The following ADAMTS18 variants were observed in gnomAD, a reference collection of about 807,000 sequenced individuals.
ADAMTS18 encodes the protein A disintegrin and metalloproteinase with thrombospondin motifs 18.
A neutral mutation model predicts 165.9 loss-of-function variants in ADAMTS18; 157 were observed. The ratio of observed to expected loss-of-function variants is 0.95; its 90% confidence interval spans 0.83 to 1.08. ADAMTS18 has a LOEUF of 1.08. Ranked by LOEUF, ADAMTS18 falls within the 50% of genes least tolerant of loss-of-function variation. The pLI is 0.00. For synonymous variants in ADAMTS18, 782 were observed against 578.2 expected (o/e 1.35, Z -5.06); for missense variants, 2,040 against 1,534.0 (o/e 1.33, Z -5.51).
At chr16:77,366,552 G>A (rs1395758213) in intron 4 of ADAMTS18, among the ~76,000 whole-genome samples, 1 of 152,116 alleles carries the variant, frequency 6.6e-6, no homozygotes, top group African/African-American at 2.4e-5. Context: ...GAGTGAAACT[G>A]TCTCAAACAA....
At chr16:77,285,354 G>C (rs1400053943) in intron 22 of ADAMTS18, among the ~76,000 whole-genome samples, 1 of 151,790 alleles carries the variant, frequency 6.6e-6, no homozygotes, top group Non-Finnish European at 1.5e-5. Context: ...TGTATTTTTA[G>C]TAGAGATGGG....
chr16:77,290,209 A>G (rs2055336018), intron 21 of ADAMTS18, among the ~76,000 whole-genome samples: 1 of 152,118 alleles, frequency 6.6e-6, no homozygotes, highest in Non-Finnish European at 1.5e-5. Context: ...AAAGGGGAAG[A>G]TAGATAGTAA....
chr16:77,369,718 G>C (rs183048787), intron 3 of ADAMTS18, among the ~76,000 whole-genome samples: 4 of 152,266 alleles, frequency 2.6e-5, no homozygotes, highest in Admixed American at 2.6e-4. Context: ...AAATTGAAGA[G>C]GGGGTAGTTT....
rs2144731902 is a variant in ADAMTS18, at chr16:77,362,087, G to T, written c.1216+18C>A. Reference sequence around the variant, plus strand: ...TTTCAGCTAACAGGTGTGTGTGAAGGATCTGTTCATACCATACCTAGAGTG... The same window carrying T: ...TTTCAGCTAACAGGTGTGTGTGAAGTATCTGTTCATACCATACCTAGAGTG... On this transcript the variant is annotated intron_variant, in intron 7 of 22. Coordinates refer to ENST00000282849, the MANE Select transcript of ADAMTS18 (RefSeq NM_199355.4). The T allele has an allele frequency of 6.2e-7, 1 of 1,613,666 alleles. No individual in the cohort carries two copies. Among genetic ancestry groups the T allele is most frequent in the Non-Finnish European group, 8.5e-7 (1 of 1,179,828 alleles).
intron 10 of ADAMTS18, among the ~76,000 whole-genome samples, chr16:77,349,484 T>C (rs1236081846): frequency 2.8e-5 from 4 of 142,522 alleles, no homozygotes; most frequent in Non-Finnish European, 6.0e-5. Context: ...GCAGTTTCAC[T>C]GCATTTTTCC....
chr16:77,313,544 G>C (rs578032645), intron 16 of ADAMTS18, among the ~76,000 whole-genome samples: 2 of 151,672 alleles, frequency 1.3e-5, no homozygotes, highest in Middle Eastern at 3.4e-3. Flanking sequence ...GAATGGTTCT[G>C]TGTTTATGAC....
At chr16:77,346,745 A>T (rs1309331735) in intron 10 of ADAMTS18, among the ~76,000 whole-genome samples, 1 of 152,218 alleles carries the variant, frequency 6.6e-6, no homozygotes, top group Admixed American at 6.5e-5. Context: ...AATAATTTAA[A>T]AGTAACAAAT....
chr16:77,387,843 T>G (rs1397129967), intron 3 of ADAMTS18, among the ~76,000 whole-genome samples: 1 of 152,230 alleles, frequency 6.6e-6, no homozygotes, highest in African/African-American at 2.4e-5. Flanking sequence ...GAGTTTATTT[T>G]TTAACTGATG....
chr16:77,359,074 GC>G (rs1408818876), intron 8 of ADAMTS18, among the ~76,000 whole-genome samples: 1 of 152,152 alleles, frequency 6.6e-6, no homozygotes, highest in African/African-American at 2.4e-5. Context: ...ATGCCTAGCA[GC>G]CCAGAGACCC....
In ADAMTS18 at chr16:77,434,629, C is replaced by T. The variant is rs1345285326; in HGVS notation, c.67G>A (p.Ala23Thr). The T allele has an allele frequency of 6.7e-7, 1 of 1,491,510 alleles. No individual in the cohort carries two copies. Among genetic ancestry groups the T allele is most frequent in the Non-Finnish European group, 8.9e-7 (1 of 1,128,036 alleles). 92.4% of individuals were successfully genotyped at this position (1,491,510 alleles called of 1,614,324 possible). ...AAGSGPPRGL[A>T]GLGRVAKALQ... ...GCCTTGGCCACGCGCCCCAGTCCCG[C>T]CAGGCCCCTCGGCGGGCCCGAACCC... The change falls in exon 1 of 23, where the codon GCG becomes ACG. Residue 23 changes from alanine to threonine, a missense_variant. By Grantham distance (58) the Ala-to-Thr change is moderately conservative. Transcript: ENST00000282849.
rs553312526 is a variant in ADAMTS18, at chr16:77,376,976, G to C, written c.496-9253C>G. Among the ~76,000 whole-genome samples, 9 of 151,944 alleles carry C rather than the reference G, an allele frequency of 5.9e-5. No homozygotes were observed. The East Asian group carries it at 1.6e-3, about 26-fold the overall frequency. ...CTTACAAGCGCCCACCACCACTCTC[G>C]GCTAGGTTTTGTATTTTTAGTAGAG... On this transcript the variant is annotated intron_variant, in intron 3 of 22. Coordinates refer to ENST00000282849, the MANE Select transcript of ADAMTS18 (RefSeq NM_199355.4).
At chr16:77,372,771 C>T (rs1249530699) in intron 3 of ADAMTS18, among the ~76,000 whole-genome samples, 1 of 152,152 alleles carries the variant, frequency 6.6e-6, no homozygotes, top group Non-Finnish European at 1.5e-5. Flanking sequence ...TAGCACACAT[C>T]ATGCTGGTAG....
intron 4 of ADAMTS18, among the ~76,000 whole-genome samples, chr16:77,365,448 T>C (rs970403980): frequency 2.6e-5 from 4 of 152,220 alleles, no homozygotes; most frequent in African/African-American, 9.6e-5. Context: ...ACATAGCACA[T>C]AAGAAGCACT....
At chr16:77,388,126 G>C (rs2057135020) in intron 3 of ADAMTS18, among the ~76,000 whole-genome samples, 1 of 152,174 alleles carries the variant, frequency 6.6e-6, no homozygotes, top group African/African-American at 2.4e-5. Context: ...TTGAGATGCA[G>C]TCTCACTCTG....
At chr16:77,336,289 G>T (rs533395374) in intron 11 of ADAMTS18, among the ~76,000 whole-genome samples, 2 of 151,954 alleles carry the variant, frequency 1.3e-5, no homozygotes, top group Non-Finnish European at 2.9e-5. Flanking sequence ...CACTCATTCA[G>T]GAAGAAACAG....
intron 6 of ADAMTS18, 89 bp downstream of exon 6, chr16:77,363,713 G>C: frequency 8.2e-7 from 1 of 1,217,922 alleles, no homozygotes; most frequent in Non-Finnish European, 1.2e-6. Flanking sequence ...CTAACGACTA[G>C]TACATGGATT....
rs147893241 is a variant in ADAMTS18 at position 77,391,582 on chromosome 16, T to C, written c.496-23859A>G. Among the ~76,000 whole-genome samples, 359 of 151,544 alleles carry C rather than the reference T, an allele frequency of 2.4e-3. 1 individual carries two copies. Among genetic ancestry groups the C allele is most frequent in the African/African-American group, 8.0e-3 (331 of 41,300 alleles). On this transcript the variant is annotated intron_variant, in intron 3 of 22. Transcript: ENST00000282849. ...AATTGTTTGAGTATTCCTAACAGAG[T>C]ACCAATGGCCAGGAAGAGGGGGAAG... is the stretch of plus-strand genomic sequence containing the variant.
At position 77,295,114 on chromosome 16, in the gene ADAMTS18, C is replaced by G; in HGVS notation, c.2815G>C (p.Glu939Gln). The G allele has an allele frequency of 6.2e-7, 1 of 1,614,204 alleles. No individual in the cohort carries two copies. The highest frequency in any genetic ancestry group is 1.1e-5 in the South Asian group (1 of 91,090). The change falls in exon 19 of 23, where the codon GAA (glutamate) becomes CAA (glutamine). Residue 939 changes from glutamate to glutamine, a missense_variant. Glu to Gln is a conservative substitution (Grantham distance 29). Coordinates refer to ENST00000282849, the MANE Select transcript of ADAMTS18 (RefSeq NM_199355.4). ...FSCPAYWMPG[E>Q]WSTCSKACAG... is the part of the protein sequence containing the mutation. The stretch of plus-strand genomic sequence containing the variant: ...CAGGCCTTGCTGCATGTACTCCATT[C>G]ACCTGGCATCCAGCTTTCAGTGCAA...
intron 16 of ADAMTS18, among the ~76,000 whole-genome samples, chr16:77,305,804 C>G (rs1384876078): frequency 6.6e-6 from 1 of 152,192 alleles, no homozygotes; most frequent in African/African-American, 2.4e-5. Flanking sequence ...CAGGACAACC[C>G]TGGAGAGGTG....
Sources: gnomAD v4.1 joint callset for allele counts (sites outside exome capture counted in the v4.1 genomes callset) on GRCh38, gnomAD v4.1.1 for gene constraint, MANE v1.5 for transcripts, NCBI Gene and HGNC (gene_info 2026-07-23, HGNC 2026-07-21) for gene names.